The following NOTCH1 variants were observed in gnomAD, a reference collection of about 807,000 sequenced individuals.
NOTCH1 encodes the protein neurogenic locus notch homolog protein 1.
A neutral mutation model predicts 254.8 loss-of-function variants in NOTCH1; 37 were observed. The observed-to-expected ratio is 0.15, with a 90% CI of 0.11 to 0.19. The LOEUF (loss-of-function observed/expected upper bound fraction) is 0.19. NOTCH1 is among the 10% of genes least tolerant of loss of function. The probability of loss-of-function intolerance (pLI) is 1.00; values close to 1 mark genes in which losing one functional copy is unlikely to be tolerated. For synonymous variants in NOTCH1, 1,731 were observed against 1,618.1 expected, an observed-to-expected ratio of 1.07 and a Z score of -1.68; for missense variants, 2,972 against 3,708.6, an observed-to-expected ratio of 0.80 and a Z score of 5.16.
At chr9:136,524,162 G>C (rs759959941) in intron 2 of NOTCH1, among the ~76,000 whole-genome samples, 183 bp from the exon 3 acceptor site, 2 of 152,220 alleles carry the variant, frequency 1.3e-5, no homozygotes, top group Non-Finnish European at 2.9e-5. Context: ...CACATGCCGC[G>C]ATTGCACAAC....
At chr9:136,529,194 A>G (rs1487708744) in intron 2 of NOTCH1, among the ~76,000 whole-genome samples, 2 of 152,228 alleles carry the variant, frequency 1.3e-5, no homozygotes, top group Non-Finnish European at 2.9e-5. Flanking sequence ...GGCCTGCCCA[A>G]GCAAATGGGG....
intron 2 of NOTCH1, among the ~76,000 whole-genome samples, chr9:136,532,390 C>A (rs770854315): frequency 6.6e-6 from 1 of 152,220 alleles, no homozygotes; most frequent in African/African-American, 2.4e-5. Context: ...CGCAGGACCT[C>A]GCCCAAATCC....
chr9:136,510,385 GC>G (rs1056153141), intron 17 of NOTCH1: 11 of 588,982 alleles, frequency 1.9e-5, no homozygotes, highest in African/African-American at 1.9e-4. Flanking sequence ...TGCAGGCCGG[GC>G]CCGAGCCATC....
At chr9:136,531,939 C>T (rs1055677540) in intron 2 of NOTCH1, among the ~76,000 whole-genome samples, 11 of 152,264 alleles carry the variant, frequency 7.2e-5, no homozygotes, top group African/African-American at 2.4e-4. Context: ...GCCCAGGAAT[C>T]CTCCTCTCGG....
rs561956078 is a variant in NOTCH1 at position 136,513,100 on chromosome 9, C to G, written c.2388G>C (p.Ala796=). The part of the protein sequence containing the change: ...PNCQTNINEC[A]SNPCLNQGTC... ...TGCCCTGGTTCAGACATGGGTTGGACGCACACTCGTTGATGTTGGTCTGGC... is the reference window on the plus strand; with the variant it reads ...TGCCCTGGTTCAGACATGGGTTGGAGGCACACTCGTTGATGTTGGTCTGGC... Residue 796 remains alanine, a synonymous_variant, in exon 15 of 34, where the codon GCG becomes GCC. Transcript: ENST00000651671. The surrounding 1 kb of genome is among the most constrained non-coding windows in gnomAD (Gnocchi z 4.7). The G allele has an allele frequency of 6.2e-7, 1 of 1,612,728 alleles. No individual in the cohort carries two copies. Among genetic ancestry groups the G allele is most frequent in the Non-Finnish European group, 8.5e-7 (1 of 1,179,916 alleles).
chr9:136,503,750 G>A (rs1239917088), intron 26 of NOTCH1, among the ~76,000 whole-genome samples: 1 of 152,210 alleles, frequency 6.6e-6, no homozygotes, highest in Non-Finnish European at 1.5e-5. Flanking sequence ...GGTGAGGCTG[G>A]CTGGGGGTGA....
chr9:136,504,192 CTTCTT>C (rs1345590947), intron 26 of NOTCH1, among the ~76,000 whole-genome samples: 4 of 152,198 alleles, frequency 2.6e-5, no homozygotes, highest in African/African-American at 9.6e-5. Context: ...TTGTTTTTTA[CTTCTT>C]TTAATACTTT....
chr9:136,518,067 T>C, intron 7 of NOTCH1, 70 bp downstream of exon 7: 3 of 1,550,126 alleles, frequency 1.9e-6, no homozygotes, highest in African/African-American at 1.4e-5. Context: ...GAAGCCAGAA[T>C]CGACTTCTCA....
At chr9:136,532,060 C>T (rs981492287) in intron 2 of NOTCH1, among the ~76,000 whole-genome samples, 3 of 152,234 alleles carry the variant, frequency 2.0e-5, no homozygotes, top group African/African-American at 7.2e-5. Flanking sequence ...CCAGCGTGAT[C>T]ACCGGGCGCC....
chr9:136,512,917 CTGGCCCCACCCTCTCCAGCACAGGCT>C, intron 15 of NOTCH1, 78 bp downstream of exon 15: 2 of 417,912 alleles, frequency 4.8e-6, no homozygotes, highest in South Asian at 1.8e-5. Flanking sequence ...GCCCCCACCC[CTGGCCCCACCCTCTCCAGCACAGGCT>C]CCGCCCTCTC....
chr9:136,536,025 CG>C (rs1843651517), intron 2 of NOTCH1, among the ~76,000 whole-genome samples: 1 of 149,152 alleles, frequency 6.7e-6, no homozygotes, highest in Non-Finnish European at 1.5e-5. Flanking sequence ...CCAGGAGCAA[CG>C]GGTACAGGGT....
At chr9:136,516,875 C>T (rs1273231996) in intron 9 of NOTCH1, among the ~76,000 whole-genome samples, 2 of 152,310 alleles carry the variant, frequency 1.3e-5, no homozygotes, top group South Asian at 4.1e-4. Context: ...GCAAAACCCT[C>T]GCTCTCCTGG....
At position 136,513,347 on chromosome 9, in the gene NOTCH1, A is replaced by G; in HGVS notation, c.2353+45T>C. Reference sequence around the variant, plus strand: ...CGATCCTGTGTCTCCAGCTCCCCAGACTCGAGGGCGGCCCTCTGCACTGAG... The same window carrying G: ...CGATCCTGTGTCTCCAGCTCCCCAGGCTCGAGGGCGGCCCTCTGCACTGAG... On this transcript the variant is annotated intron_variant, in intron 14 of 33. Transcript: ENST00000651671. The surrounding 1 kb of genome is among the most constrained non-coding windows in gnomAD (Gnocchi z 4.7). 2 of 1,611,240 alleles carry G rather than the reference A, an allele frequency of 1.2e-6. No individual in the cohort carries two copies. Among genetic ancestry groups the G allele is most frequent in the Non-Finnish European group, 1.7e-6 (2 of 1,179,722 alleles).
intron 15 of NOTCH1, among the ~76,000 whole-genome samples, chr9:136,512,555 G>A (rs753140725): frequency 2.0e-5 from 3 of 152,156 alleles, no homozygotes; most frequent in Admixed American, 6.5e-5. Flanking sequence ...AAGAGAGCCC[G>A]CCATCAAAGG....
Position 136,496,790 on chromosome 9 carries a change from C to A in NOTCH1, c.6949G>T (p.Gly2317Cys). 1 of 1,612,896 alleles carries A rather than the reference C, an allele frequency of 6.2e-7. No individual in the cohort carries two copies. Among genetic ancestry groups the A allele is most frequent in the Non-Finnish European group, 8.5e-7 (1 of 1,180,010 alleles). ...GGGTTGTATTGGTTCGGCACCATGC[C>A]GCTCTGCAGCCGGGACAGCCACTCG... Reference protein sequence around the residue: ...QCEWLSRLQSGMVPNQYNPLR... With the variant: ...QCEWLSRLQSCMVPNQYNPLR... Residue 2317 changes from glycine to cysteine, a missense_variant, in exon 34 of 34, where the codon GGC becomes TGC. Transcript: ENST00000651671.
At position 136,513,036 on chromosome 9, in the gene NOTCH1, G is replaced by A. The variant is rs199841979; in HGVS notation, c.2452C>T (p.Leu818=). 3.4e-6 allele frequency: 5 copies of A among 1,451,962 alleles called. No individual in the cohort carries two copies. The African/African-American group carries it at 4.4e-5, about 13-fold the overall frequency. 89.9% of individuals were successfully genotyped at this position (1,451,962 alleles called of 1,614,324 possible). The change falls in exon 15 of 34, where the codon CTG becomes TTG. Residue 818 remains leucine, a synonymous_variant. Transcript: ENST00000651671. The surrounding 1 kb of genome is among the most constrained non-coding windows in gnomAD (Gnocchi z 4.7). ...DDVAGYKCNC[L]LPYTGATCEV... The stretch of plus-strand genomic sequence containing the variant: ...CACCCCTCACCTGTGTAGGGCAGCA[G>A]GCAGTTGCACTTGTACCCGGCAACG...
Position 136,497,809 on chromosome 9 carries a change from C to T in NOTCH1, c.6181-251G>A, listed in dbSNP as rs368339449. ...TGTGCAGTCCTCTACCCTAGATCAG[C>T]GGGGCTCCACCTCTATGGGGGGGTC... On this transcript the variant is annotated intron_variant, in intron 33 of 33. Transcript: ENST00000651671. 2.3e-3 allele frequency among the ~76,000 whole-genome samples: 347 copies of T among 152,300 alleles called. 1 individual carries two copies. Among genetic ancestry groups the T allele is most frequent in the African/African-American group, 7.8e-3 (323 of 41,562 alleles).
chr9:136,544,687 G>C (rs1843785874), intron 1 of NOTCH1, among the ~76,000 whole-genome samples: 1 of 152,088 alleles, frequency 6.6e-6, no homozygotes, highest in African/African-American at 2.4e-5. Flanking sequence ...TTGTGGAGTC[G>C]GGGCCGCCTC....
At chr9:136,512,258 C>T (rs972747593) in intron 15 of NOTCH1, among the ~76,000 whole-genome samples, 3 of 152,320 alleles carry the variant, frequency 2.0e-5, no homozygotes, top group South Asian at 4.1e-4. Context: ...AAGAAAACAG[C>T]GTTCTGGCCA....
Sources: allele counts gnomAD v4.1 joint callset (sites outside exome capture counted in the v4.1 genomes callset), GRCh38; gene constraint gnomAD v4.1.1; non-coding constraint Gnocchi (gnomAD v3.1); transcripts MANE v1.5; gene names NCBI Gene and HGNC (gene_info 2026-07-23, HGNC 2026-07-21).